WDR27: variants seen among roughly 807,000 people sequenced by gnomAD.
WDR27 encodes WD repeat-containing protein 27.
Under a neutral mutation model 114.4 loss-of-function variants are expected in WDR27, and 100 were observed. The ratio of observed to expected loss-of-function variants is 0.87; its 90% CI spans 0.74 to 1.03. WDR27 has a LOEUF of 1.03. Ranked by LOEUF, WDR27 falls within the 50% of genes least tolerant of loss-of-function variation. The pLI is 0.00. For synonymous variants in WDR27, 449 were observed against 423.1 expected, an observed-to-expected ratio of 1.06 and a Z score of -0.75; for missense variants, 1,129 against 1,092.9, an observed-to-expected ratio of 1.03 and a Z score of -0.47.
At chr6:169,551,113 A>C (rs779221175) in intron 25 of WDR27, among the ~76,000 whole-genome samples, 1 of 152,222 alleles carries the variant, frequency 6.6e-6, no homozygotes, top group Non-Finnish European at 1.5e-5. Flanking sequence ...TAAAATTCCA[A>C]AGGCGTTTGA....
At chr6:169,456,842 A>G (rs1396775180), downstream of WDR27, among the ~76,000 whole-genome samples, 2 of 150,718 alleles carry the variant, frequency 1.3e-5, no homozygotes, top group Admixed American at 1.3e-4. The surrounding 1 kb of genome is among the most constrained non-coding windows in gnomAD (Gnocchi z 4.0). Flanking sequence ...CCACGGACAC[A>G]GCCCATGCTC....
chr6:169,632,617 G>A (rs538407117), intron 21 of WDR27, among the ~76,000 whole-genome samples: 1 of 152,262 alleles, frequency 6.6e-6, no homozygotes, highest in East Asian at 1.9e-4. Context: ...GGCTGCCCCA[G>A]TTCATAGAAC....
Position 169,613,660 on chromosome 6 carries a change from T to C in WDR27, c.2224-4A>G, listed in dbSNP as rs749399185. ...GTTGGGTTGTAAATGATGAACCCTA[T>C]AATTTTAAGGGGGAAATCAAGATGT... On this transcript the variant is annotated splice_polypyrimidine_tract_variant and splice_region_variant and intron_variant, in intron 21 of 25. Transcript: ENST00000448612. 2.5e-6 allele frequency: 4 copies of C among 1,608,622 alleles called. No individual in the cohort carries two copies. The South Asian group carries it at 4.4e-5, about 18-fold the overall frequency.
chr6:169,694,219 T>C (rs1341481209), intron 1 of WDR27, among the ~76,000 whole-genome samples: 1 of 151,774 alleles, frequency 6.6e-6, no homozygotes, highest in African/African-American at 2.4e-5. Context: ...GAGGCAGGAG[T>C]ATCATCATTT....
chr6:169,638,512 C>T (rs531787191), intron 18 of WDR27, 27 bp downstream of exon 18: 15 of 1,608,028 alleles, frequency 9.3e-6, no homozygotes, highest in Non-Finnish European at 1.3e-5. Flanking sequence ...GAAATGACTG[C>T]CCATGGCAGA....
intron 1 of WDR27, among the ~76,000 whole-genome samples, chr6:169,700,521 T>A (rs1049145738): frequency 6.6e-6 from 1 of 152,208 alleles, no homozygotes; most frequent in Non-Finnish European, 1.5e-5. Flanking sequence ...AAATTCCTCC[T>A]GCACTGCCTC....
chr6:169,602,106 C>T, intron 23 of WDR27, 113 bp downstream of exon 23: 1 of 659,822 alleles, frequency 1.5e-6, no homozygotes, highest in Non-Finnish European at 2.4e-6. Flanking sequence ...AAAATATTGA[C>T]CAACAGTCAA....
At chr6:169,489,477 G>A (rs1456492616) in intron 25 of WDR27, among the ~76,000 whole-genome samples, 1 of 152,190 alleles carries the variant, frequency 6.6e-6, no homozygotes, top group East Asian at 1.9e-4. Flanking sequence ...GAGAACGAAG[G>A]TCACACTTCT....
chr6:169,630,711 T>C (rs1177086651), intron 21 of WDR27, among the ~76,000 whole-genome samples: 1 of 152,054 alleles, frequency 6.6e-6, no homozygotes, highest in African/African-American at 2.4e-5. Flanking sequence ...CCGGCCAACA[T>C]GGTGAAACTC....
intron 25 of WDR27, among the ~76,000 whole-genome samples, chr6:169,515,778 T>C (rs966235548): frequency 6.7e-6 from 1 of 149,966 alleles, no homozygotes; most frequent in Non-Finnish European, 1.5e-5. Flanking sequence ...ATTTAAAATA[T>C]AAGTAAAGTA....
At chr6:169,504,238 C>A (rs1039620532) in intron 25 of WDR27, among the ~76,000 whole-genome samples, 1 of 152,156 alleles carries the variant, frequency 6.6e-6, no homozygotes, top group Admixed American at 6.5e-5. Flanking sequence ...ACATAGTAGA[C>A]TTCTGTGTTA....
intron 6 of WDR27, chr6:169,666,363 C>A: frequency 1.0e-6 from 1 of 982,716 alleles, no homozygotes; most frequent in Non-Finnish European, 1.2e-6. Context: ...AATAACTCTA[C>A]CAGGTCACCA....
At chr6:169,434,112 T>C in the WDR27 span, among the ~76,000 whole-genome samples, 1 of 152,244 alleles carries the variant, frequency 6.6e-6, no homozygotes, top group African/African-American at 2.4e-5. Flanking sequence ...TTTGTCAATT[T>C]CGGCTTTTGT....
At chr6:169,628,482 T>C (rs1053454354) in intron 21 of WDR27, among the ~76,000 whole-genome samples, 4 of 152,184 alleles carry the variant, frequency 2.6e-5, no homozygotes, top group Admixed American at 2.6e-4. Flanking sequence ...CGGCTTTCAG[T>C]GCAAACTTGC....
chr6:169,536,360 A>G (rs1466825058), intron 25 of WDR27, among the ~76,000 whole-genome samples: 1 of 152,196 alleles, frequency 6.6e-6, no homozygotes, highest in Non-Finnish European at 1.5e-5. Flanking sequence ...CACCAGCTAC[A>G]GTGAAGTCAT....
intron 25 of WDR27, among the ~76,000 whole-genome samples, chr6:169,458,257 A>T (rs1160983169): frequency 6.6e-6 from 1 of 152,186 alleles, no homozygotes; most frequent in Non-Finnish European, 1.5e-5. Context: ...TGCAGAACCC[A>T]GGATGGGCAG....
chr6:169,636,600 T>C, intron 18 of WDR27, 96 bp from the exon 19 acceptor site: 1 of 1,261,324 alleles, frequency 7.9e-7, no homozygotes, highest in Non-Finnish European at 1.1e-6. Flanking sequence ...AAACCCAACA[T>C]CTATTTGTTC....
At chr6:169,511,497 A>G (rs2115531978) in intron 25 of WDR27, among the ~76,000 whole-genome samples, 1 of 150,382 alleles carries the variant, frequency 6.6e-6, no homozygotes, top group South Asian at 2.1e-4. Context: ...TTCCCCCCAA[A>G]ATATAATTTC....
chr6:169,601,038 GA>G (rs1166892120), intron 23 of WDR27, among the ~76,000 whole-genome samples: 2 of 152,112 alleles, frequency 1.3e-5, no homozygotes, highest in Non-Finnish European at 2.9e-5. Flanking sequence ...TGAAATGAAG[GA>G]AAAAATGTTA....
Sources: gnomAD v4.1 joint callset for allele counts (sites outside exome capture counted in the v4.1 genomes callset) on GRCh38, gnomAD v4.1.1 for gene constraint, Gnocchi (gnomAD v3.1) non-coding constraint, MANE v1.5 for transcripts, NCBI Gene and HGNC (gene_info 2026-07-23, HGNC 2026-07-21) for gene names.